CPAMD8: variants seen among roughly 807,000 people sequenced by gnomAD.
CPAMD8 encodes C3 and PZP like alpha-2-macroglobulin domain containing 8, also known as C3 and PZP-like alpha-2-macroglobulin domain-containing protein 8.
In CPAMD8, 146 loss-of-function variants were observed where a neutral mutation model predicts 224.7. The observed-to-expected ratio is 0.65, with a 90% CI of 0.57 to 0.75. The LOEUF (loss-of-function observed/expected upper bound fraction) is 0.75, where lower values mean the gene tolerates loss of function less well. Ranked by LOEUF, CPAMD8 falls within the 30% of genes least tolerant of loss-of-function variation. CPAMD8 has a pLI of 0.00. For synonymous variants in CPAMD8, 966 were observed against 1,044.6 expected, an observed-to-expected ratio of 0.92 and a Z score of 1.45; for missense variants, 2,301 against 2,537.5, an observed-to-expected ratio of 0.91 and a Z score of 2.00.
At chr19:16,917,599 G>C (rs2053009611) in intron 27 of CPAMD8, among the ~76,000 whole-genome samples, 1 of 152,132 alleles carries the variant, frequency 6.6e-6, no homozygotes, top group Non-Finnish European at 1.5e-5. Flanking sequence ...AAATTAGCTG[G>C]GCATGGTAGT....
chr19:16,967,261 T>A (rs1217114873), intron 18 of CPAMD8, among the ~76,000 whole-genome samples: 1 of 149,886 alleles, frequency 6.7e-6, no homozygotes, highest in Non-Finnish European at 1.5e-5. Flanking sequence ...ATACTGCATG[T>A]TCTCACTCAT....
At chr19:17,012,349 TC>T (rs59267499) in intron 3 of CPAMD8, among the ~76,000 whole-genome samples, 1,882 of 89,424 alleles carry the variant, frequency 0.021, 24 homozygotes, top group Admixed American at 0.028. Context: ...TTTCTTTCTT[TC>T]TTTTTTTTTT....
At chr19:16,986,669 G>C (rs747041852) in intron 13 of CPAMD8, among the ~76,000 whole-genome samples, 20 of 152,090 alleles carry the variant, frequency 1.3e-4, no homozygotes, top group Admixed American at 2.6e-4. Flanking sequence ...AGGAGTGTGA[G>C]AGGTTTATGG....
At position 16,980,542 on chromosome 19, in the gene CPAMD8, G is replaced by A. The variant is rs1445906352; in HGVS notation, c.1540C>T (p.Pro514Ser). The A allele has an allele frequency of 6.2e-6, 10 of 1,613,886 alleles. No homozygotes were observed. Among genetic ancestry groups the A allele is most frequent in the Non-Finnish European group, 8.5e-6 (10 of 1,179,982 alleles). The change falls in exon 14 of 42, where the codon CCT becomes TCT. Residue 514 changes from proline (P) to serine (S), a missense_variant. This residue lies in a region of CPAMD8 where 301 missense variants were observed against 406.6 expected (regional missense o/e 0.74). Transcript: ENST00000443236. ...TTQQRSKRAA[P>S]ALEKPIRLTH... ...AAACGAATCGGTTTCTCCAGGGCAGGGGCCGCCCGCTTGCTTCGCTGCTGG... is the reference window on the plus strand; with the variant it reads ...AAACGAATCGGTTTCTCCAGGGCAGAGGCCGCCCGCTTGCTTCGCTGCTGG...
At chr19:16,950,195 G>A (rs1224143038) in intron 20 of CPAMD8, among the ~76,000 whole-genome samples, 1 of 152,128 alleles carries the variant, frequency 6.6e-6, no homozygotes, top group African/African-American at 2.4e-5. Context: ...CTACTCAGGA[G>A]GCTGAGGCAG....
intron 3 of CPAMD8, among the ~76,000 whole-genome samples, chr19:17,012,891 C>G (rs1005831584): frequency 6.6e-6 from 1 of 152,176 alleles, no homozygotes; most frequent in Non-Finnish European, 1.5e-5. Context: ...ACTCTAAAAT[C>G]GCAGCACAGG....
intron 23 of CPAMD8, among the ~76,000 whole-genome samples, chr19:16,937,846 G>T (rs191947126): frequency 3.3e-5 from 5 of 152,198 alleles, no homozygotes; most frequent in African/African-American, 1.2e-4. Context: ...TAGAGATGGG[G>T]TTTCACCATG....
At chr19:17,013,408 G>T (rs1274475960) in intron 3 of CPAMD8, 1 of 152,024 alleles carries the variant, frequency 6.6e-6, no homozygotes, top group East Asian at 1.9e-4. Context: ...CTACTCTGGA[G>T]GCTGAGGCAC....
At chr19:16,957,213 A>G (rs2054500862) in intron 19 of CPAMD8, among the ~76,000 whole-genome samples, 1 of 152,190 alleles carries the variant, frequency 6.6e-6, no homozygotes, top group Non-Finnish European at 1.5e-5. Flanking sequence ...CACTTGCCAC[A>G]GCACCTTGTG....
rs371740384 is a variant in CPAMD8 at position 16,914,686 on chromosome 19, C to A, written c.3757G>T (p.Val1253Leu). The change falls in exon 28 of 42, where the codon GTG (valine) becomes TTG (leucine). Residue 1253 changes from valine to leucine, a missense_variant. Around this residue, in one of 4 missense-constraint regions of CPAMD8, gnomAD observed 1,709 missense variants for 1,753.2 expected, o/e 0.97. Coordinates refer to ENST00000443236, the MANE Select transcript of CPAMD8 (RefSeq NM_015692.5). ...ATGTCCTTGTTCAGGACCCTGCCCA[C>A]GGCCAGGAAGGAGCCATCGGCCTGC... Reference protein sequence around the residue: ...QQQADGSFLAVGRVLNKDIQG... With the variant: ...QQQADGSFLALGRVLNKDIQG... 1 of 1,613,994 alleles carries A rather than the reference C, an allele frequency of 6.2e-7. No homozygotes were observed.
At chr19:16,903,528 C>T in intron 34 of CPAMD8, 33 bp downstream of exon 34, 1 of 1,613,344 alleles carries the variant, frequency 6.2e-7, no homozygotes, top group Non-Finnish European at 8.5e-7. Context: ...GGAGGACAAG[C>T]CCAAGATCAC....
intron 30 of CPAMD8, among the ~76,000 whole-genome samples, chr19:16,906,355 TTTCTTTCTTTC>T (rs2052486432): frequency 2.5e-5 from 1 of 40,192 alleles, no homozygotes; most frequent in Non-Finnish European, 5.4e-5. Flanking sequence ...TCTTTCTTTC[TTTCTTTCTTTC>T]TTTCTTTCTT....
chr19:16,938,328 G>A, intron 23 of CPAMD8, 67 bp downstream of exon 23: 2 of 816,164 alleles, frequency 2.5e-6, no homozygotes, highest in South Asian at 3.7e-5. Flanking sequence ...TGTGGGAAAG[G>A]GGGAAGGCCA....
intron 18 of CPAMD8, among the ~76,000 whole-genome samples, chr19:16,960,204 C>T (rs1452358315): frequency 1.4e-5 from 2 of 145,726 alleles, no homozygotes; most frequent in Non-Finnish European, 2.9e-5. Context: ...TGCTCCTTCT[C>T]CTTTCTCAAA....
chr19:16,905,621 G>T (rs2144759659), intron 30 of CPAMD8, among the ~76,000 whole-genome samples: 1 of 150,212 alleles, frequency 6.7e-6, no homozygotes, highest in East Asian at 1.9e-4. Flanking sequence ...CTCGCATGAG[G>T]TGTAAAGACT....
intron 21 of CPAMD8, among the ~76,000 whole-genome samples, chr19:16,946,050 C>T (rs1291522075): frequency 6.6e-6 from 1 of 151,398 alleles, no homozygotes; most frequent in Admixed American, 6.6e-5. Flanking sequence ...CATGTGTGTG[C>T]ATTTTTCCAT....
intron 11 of CPAMD8, among the ~76,000 whole-genome samples, chr19:16,994,950 A>G (rs747874874): frequency 2.0e-5 from 3 of 152,316 alleles, no homozygotes; most frequent in Middle Eastern, 3.4e-3. Flanking sequence ...TACAGGCATG[A>G]GCCACCATGC....
rs12975235 is a variant in CPAMD8 at position 16,977,648 on chromosome 19, G to A, written c.1586-108C>T. ...TGCCCTGCGCTATGCTCCTGTCTAC[G>A]CATTGAGACAGTCTGCATCTTTGGT... On this transcript the variant is annotated intron_variant, in intron 14 of 41. Transcript: ENST00000443236. 62,027 of 736,372 alleles carry A rather than the reference G, an allele frequency of 0.084. 4,609 individuals are homozygous for A. The highest frequency in any genetic ancestry group is 0.33 in the African/African-American group (18,263 of 55,338). 45.6% of individuals were successfully genotyped at this position (736,372 alleles called of 1,614,324 possible). A position where few individuals can be genotyped will look rare whatever the true frequency, so the allele number is the denominator to read the frequency against.
intron 17 of CPAMD8, 111 bp from the exon 18 acceptor site, chr19:16,971,144 G>T: frequency 1.1e-6 from 1 of 906,292 alleles, no homozygotes; most frequent in Non-Finnish European, 1.6e-6. Flanking sequence ...TCAGCTTGTG[G>T]CAACCTTGGG....
Sources: gnomAD v4.1 joint callset for allele counts (sites outside exome capture counted in the v4.1 genomes callset) on GRCh38, gnomAD v4.1.1 for gene constraint, gnomAD v4.1.1 regional missense constraint, MANE v1.5 for transcripts, NCBI Gene and HGNC (gene_info 2026-07-23, HGNC 2026-07-21) for gene names.